ABCC2: variants seen among roughly 807,000 people sequenced by gnomAD.
The protein encoded by ABCC2 is ATP binding cassette subfamily C member 2, also known as ATP-binding cassette sub-family C member 2.
In ABCC2, 157 loss-of-function variants were observed where a neutral mutation model predicts 173.4. The ratio of observed to expected loss-of-function variants is 0.91; its 90% CI spans 0.80 to 1.03. The LOEUF is 1.03. Ranked by LOEUF, ABCC2 falls within the 50% of genes least tolerant of loss-of-function variation. The probability of loss-of-function intolerance (pLI) is 0.00; values close to 1 mark genes in which losing one functional copy is unlikely to be tolerated. For synonymous variants in ABCC2, 657 were observed against 693.5 expected, an observed-to-expected ratio of 0.95 and a Z score of 0.83; for missense variants, 1,822 against 1,852.3, an observed-to-expected ratio of 0.98 and a Z score of 0.30.
At position 99,848,705 on chromosome 10, in the gene ABCC2, A is replaced by C. The variant is rs570783772; in HGVS notation, c.4313+1578A>C. The stretch of plus-strand genomic sequence containing the variant: ...AGAGTGTTGTGATTAACTAGGCTGC[A>C]AGCTAAAATCACCCAGGAAGCTTTA... On this transcript the variant is annotated intron_variant, in intron 30 of 31. Transcript: ENST00000647814. 3.3e-5 allele frequency among the ~76,000 whole-genome samples: 5 copies of C among 152,336 alleles called. No individual in the cohort carries two copies. In the South Asian group the frequency reaches 1.0e-3, roughly 32 times the overall value.
intron 9 of ABCC2, 139 bp from the exon 10 acceptor site, chr10:99,803,880 A>G: frequency 9.3e-7 from 1 of 1,074,492 alleles, no homozygotes; most frequent in Non-Finnish European, 1.4e-6. Flanking sequence ...TTTGGAGGCA[A>G]GAAGTCACAG....
At chr10:99,844,487 C>G in intron 28 of ABCC2, 22 bp downstream of exon 28, 2 of 1,611,342 alleles carry the variant, frequency 1.2e-6, no homozygotes, top group Non-Finnish European at 1.7e-6. Flanking sequence ...GAAGGAAGGC[C>G]TGGATGGGAG....
rs142443276 is a variant in ABCC2 at position 99,792,284 on chromosome 10, A to G, written c.258A>G (p.Val86=). 1.4e-4 allele frequency: 233 copies of G among 1,613,950 alleles called. No homozygotes were observed. In the African/African-American group the frequency reaches 2.7e-3, roughly 19 times the overall value. ...TAGCAGCCATAGAGCTGGCCCTTGT[A>G]CTCACAGAAGACTCTGGACAAGCCA... is the stretch of plus-strand genomic sequence containing the variant. ...LILAAIELAL[V]LTEDSGQATV... The change falls in exon 3 of 32, where the codon GTA becomes GTG. Residue 86 remains valine, a synonymous_variant. Transcript: ENST00000647814.
Position 99,845,721 on chromosome 10 carries a change from G to A in ABCC2, c.4085G>A (p.Gly1362Glu). The change falls in exon 29 of 32, where the codon GGA becomes GAA. Residue 1362 changes from glycine (G) to glutamate (E), a missense_variant. Transcript: ENST00000647814. ...EAAGGQIIID[G>E]VDIASIGLHD... ...GCCGGTGGTCAGATTATCATTGATG[G>A]AGTAGATATTGCTTCCATTGGGCTC... 1 of 1,613,870 alleles carries A rather than the reference G, an allele frequency of 6.2e-7. No individual in the cohort carries two copies. Among genetic ancestry groups the A allele is most frequent in the African/African-American group, 1.3e-5 (1 of 74,916 alleles).
chr10:99,817,514 G>C lies in ABCC2; in HGVS notation c.2271+30G>C, dbSNP rs757092982. On this transcript the variant is annotated intron_variant, in intron 17 of 31. Transcript: ENST00000647814. ...TTGGGATAACAAGGGATCTTCAAGG[G>C]TGAAGGCATATTGAAGAGAAAAAGT... 7 of 1,611,450 alleles carry C rather than the reference G, an allele frequency of 4.3e-6. 1 individual carries two copies. In the South Asian group the frequency reaches 7.7e-5, roughly 18 times the overall value.
chr10:99,790,716 G>A (rs1487039695), intron 2 of ABCC2, among the ~76,000 whole-genome samples: 1 of 152,016 alleles, frequency 6.6e-6, no homozygotes, highest in Non-Finnish European at 1.5e-5. Context: ...ACCCTATAGT[G>A]TATTATATAC....
At chr10:99,827,521 C>A (rs888661658) in intron 19 of ABCC2, among the ~76,000 whole-genome samples, 2 of 152,106 alleles carry the variant, frequency 1.3e-5, no homozygotes, top group Non-Finnish European at 2.9e-5. Flanking sequence ...ACGCTATCTT[C>A]TTCTGTTTGA....
chr10:99,784,735 C>T lies in ABCC2; in HGVS notation c.161C>T (p.Ser54Phe). 1 of 1,614,172 alleles carries T rather than the reference C, an allele frequency of 6.2e-7. No individual in the cohort carries two copies. The highest frequency in any genetic ancestry group is 8.5e-7 in the Non-Finnish European group (1 of 1,180,018). The change falls in exon 2 of 32, where the codon TCC becomes TTC. Residue 54 changes from serine (S) to phenylalanine (F), a missense_variant. Ser to Phe is a radical substitution (Grantham distance 155, BLOSUM62 -2). Coordinates refer to ENST00000647814, the MANE Select transcript of ABCC2 (RefSeq NM_000392.5). ...TGGCAGCTTCTCCACGTGTATAAAT[C>T]CAGGACCAAGAGATCCTCTACCACC... The part of the protein sequence containing the change: ...APWQLLHVYK[S>F]RTKRSSTTKL...
At chr10:99,847,188 C>A in intron 30 of ABCC2, 61 bp downstream of exon 30, 2 of 1,575,288 alleles carry the variant, frequency 1.3e-6, no homozygotes, top group South Asian at 2.2e-5. Flanking sequence ...GGCCACTCCT[C>A]GTGTTCCTCG....
At chr10:99,836,865 C>T (rs1008799274) in intron 25 of ABCC2, among the ~76,000 whole-genome samples, 1 of 152,060 alleles carries the variant, frequency 6.6e-6, no homozygotes, top group Admixed American at 6.5e-5. Flanking sequence ...AGCAGTATGT[C>T]CTGGAAAGAG....
chr10:99,821,941 A>G (rs1323505509), intron 19 of ABCC2, among the ~76,000 whole-genome samples: 1 of 152,056 alleles, frequency 6.6e-6, no homozygotes, highest in Non-Finnish European at 1.5e-5. Flanking sequence ...TACTTCTACC[A>G]ACCAATTTTG....
intron 2 of ABCC2, among the ~76,000 whole-genome samples, chr10:99,785,190 A>C (rs921666656): frequency 6.6e-6 from 1 of 152,228 alleles, no homozygotes; most frequent in Admixed American, 6.5e-5. Context: ...AGGCAATCCA[A>C]CTATCACTCA....
chr10:99,823,229 G>T (rs1018635670), intron 19 of ABCC2, among the ~76,000 whole-genome samples: 2 of 152,008 alleles, frequency 1.3e-5, no homozygotes, highest in Non-Finnish European at 2.9e-5. Flanking sequence ...CATCAAATTT[G>T]TTTTTTAATC....
intron 29 of ABCC2, among the ~76,000 whole-genome samples, chr10:99,846,138 A>G (rs1456590120): frequency 6.6e-6 from 1 of 152,078 alleles, no homozygotes. Flanking sequence ...TATACTCCCC[A>G]TTTGCTATGG....
At chr10:99,841,455 T>C (rs944367661) in intron 25 of ABCC2, among the ~76,000 whole-genome samples, 1 of 151,926 alleles carries the variant, frequency 6.6e-6, no homozygotes, top group African/African-American at 2.4e-5. Context: ...CTTGGGAGGT[T>C]GAGGTAGGAG....
At chr10:99,806,102 TGTGTG>T (rs2038099083) in intron 11 of ABCC2, among the ~76,000 whole-genome samples, 1 of 151,930 alleles carries the variant, frequency 6.6e-6, no homozygotes, top group Non-Finnish European at 1.5e-5. Context: ...TGTGTGTGTG[TGTGTG>T]TGTGTCTTGG....
intron 6 of ABCC2, among the ~76,000 whole-genome samples, chr10:99,794,825 G>A (rs1294883513): frequency 6.6e-6 from 1 of 152,208 alleles, no homozygotes; most frequent in Non-Finnish European, 1.5e-5. Context: ...ACAGGCATGA[G>A]CTACAGCGCT....
chr10:99,795,783 GAA>G (rs879277100), intron 6 of ABCC2, among the ~76,000 whole-genome samples: 5,545 of 145,886 alleles, frequency 0.038, 203 homozygotes, highest in Non-Finnish European at 0.052. Flanking sequence ...AAGAAAGAAA[GAA>G]AGAAAGAAAG....
chr10:99,846,787 G>T (rs1169155148), intron 29 of ABCC2, among the ~76,000 whole-genome samples, 174 bp from the exon 30 acceptor site: 2 of 152,162 alleles, frequency 1.3e-5, no homozygotes, highest in Non-Finnish European at 2.9e-5. Flanking sequence ...CCCCTGGCTG[G>T]TAGCCACTCC....
Sources: gnomAD v4.1 joint callset for allele counts (sites outside exome capture counted in the v4.1 genomes callset) on GRCh38, gnomAD v4.1.1 for gene constraint, MANE v1.5 for transcripts, NCBI Gene and HGNC (gene_info 2026-07-23, HGNC 2026-07-21) for gene names.